The following VASP variants were observed in gnomAD, a reference collection of about 807,000 sequenced individuals.
VASP encodes the protein vasodilator stimulated phosphoprotein.
In VASP, 27 loss-of-function variants were observed where a neutral mutation model predicts 54.4. The ratio of observed to expected loss-of-function variants is 0.50; its 90% CI spans 0.37 to 0.68. The LOEUF (loss-of-function observed/expected upper bound fraction) is 0.68, where lower values mean the gene tolerates loss of function less well. Ranked by LOEUF, VASP falls within the 30% of genes least tolerant of loss-of-function variation. The pLI is 0.00. For synonymous variants in VASP, 233 were observed against 209.8 expected (o/e 1.11, Z -0.96); for missense variants, 488 against 528.3 (o/e 0.92, Z 0.75).
chr19:45,507,697 A>G lies in VASP; in HGVS notation c.-75A>G. The G allele has an allele frequency of 6.6e-7, 1 of 1,508,726 alleles. No individual in the cohort carries two copies. The highest frequency in any genetic ancestry group is 1.2e-5 in the South Asian group (1 of 82,766). 93.5% of individuals were successfully genotyped at this position (1,508,726 alleles called of 1,614,324 possible). A position where few individuals can be genotyped will look rare whatever the true frequency, so the allele number is the denominator to read the frequency against. ...TGAGCCGAGCCCGGAGCCAGCCCCG[A>G]ACCCCTGAACCTCCAGCCAGGGGCG... is the stretch of plus-strand genomic sequence containing the variant. On this transcript the variant is annotated 5_prime_UTR_variant, in exon 1 of 13. Coordinates refer to ENST00000245932, the MANE Select transcript of VASP (RefSeq NM_003370.4). The surrounding 1 kb of genome is among the most constrained non-coding windows in gnomAD (Gnocchi z 4.4).
At chr19:45,520,181 C>T (rs1307908047) in intron 3 of VASP, among the ~76,000 whole-genome samples, 2 of 152,036 alleles carry the variant, frequency 1.3e-5, no homozygotes, top group South Asian at 2.1e-4. Context: ...AGATTACAGG[C>T]GCGAGTCACG....
intron 11 of VASP, 120 bp from the exon 12 acceptor site, chr19:45,525,826 G>A: frequency 2.1e-6 from 2 of 943,242 alleles, no homozygotes; most frequent in South Asian, 3.3e-5. Context: ...CTGTGATCAT[G>A]CCATTGCACC....
intron 4 of VASP, 62 bp downstream of exon 4, chr19:45,521,468 C>A: frequency 7.3e-7 from 1 of 1,376,084 alleles, no homozygotes; most frequent in Non-Finnish European, 9.7e-7. Flanking sequence ...GTTCTGGAAC[C>A]CTTGACTCCT....
intron 3 of VASP, among the ~76,000 whole-genome samples, chr19:45,518,810 G>A (rs1445654893): frequency 1.2e-4 from 18 of 151,774 alleles, no homozygotes; most frequent in Admixed American, 7.2e-4. Flanking sequence ...GAATACAGGT[G>A]TGCACCACCA....
In VASP at chr19:45,522,358, C is replaced by T. The variant is rs748902801; in HGVS notation, c.497C>T (p.Pro166Leu). Residue 166 changes from proline (P) to leucine (L), a missense_variant, in exon 6 of 13, where the codon CCC (proline) becomes CTC (leucine). Transcript: ENST00000245932. ...GTTTCAGGAGGCCCACCTGCTCCCC[C>T]CGCTGGGGGTCCACCCCCACCACCA... The part of the protein sequence containing the change: ...VSNAGGPPAP[P>L]AGGPPPPPGP... 3 of 1,578,150 alleles carry T rather than the reference C, an allele frequency of 1.9e-6. No individual in the cohort carries two copies. The highest frequency in any genetic ancestry group is 1.9e-4 in the Middle Eastern group (1 of 5,374).
At chr19:45,517,591 C>T in intron 1 of VASP, 72 bp from the exon 2 acceptor site, 2 of 1,549,412 alleles carry the variant, frequency 1.3e-6, no homozygotes, top group Non-Finnish European at 1.7e-6. Flanking sequence ...CTGTCTTTGT[C>T]CCTTGGAATC....
intron 1 of VASP, among the ~76,000 whole-genome samples, chr19:45,509,094 C>A (rs545404679): frequency 6.6e-6 from 1 of 152,372 alleles, no homozygotes; most frequent in Non-Finnish European, 1.5e-5. Flanking sequence ...ACATCCCCCG[C>A]ATTTCCTGAA....
chr19:45,520,444 G>A (rs1030857752), intron 3 of VASP, among the ~76,000 whole-genome samples: 8 of 152,194 alleles, frequency 5.3e-5, no homozygotes, highest in African/African-American at 1.2e-4. Context: ...TGTTTGCTTC[G>A]TGGGACAACT....
At chr19:45,522,840 C>A in intron 7 of VASP, 22 bp downstream of exon 7, 2 of 1,595,956 alleles carry the variant, frequency 1.3e-6, no homozygotes, top group Non-Finnish European at 1.7e-6. Flanking sequence ...CCTGGACCCC[C>A]AAGTCACCTG....
intron 1 of VASP, among the ~76,000 whole-genome samples, chr19:45,513,198 T>G (rs1968634312): frequency 6.6e-6 from 1 of 152,092 alleles, no homozygotes; most frequent in Non-Finnish European, 1.5e-5. Context: ...GGACCCAGGC[T>G]GACTGAGAAA....
chr19:45,523,564 G>A, intron 7 of VASP, 80 bp from the exon 8 acceptor site: 4 of 1,512,808 alleles, frequency 2.6e-6, no homozygotes, highest in Non-Finnish European at 3.6e-6. Flanking sequence ...TATGCGCTAG[G>A]ATCTACATTT....
At chr19:45,512,108 C>G (rs900303054) in intron 1 of VASP, among the ~76,000 whole-genome samples, 4 of 150,894 alleles carry the variant, frequency 2.7e-5, no homozygotes, top group African/African-American at 9.8e-5. Flanking sequence ...TGAGATTACA[C>G]CACTGCCAGC....
intron 1 of VASP, among the ~76,000 whole-genome samples, chr19:45,514,702 C>T (rs1380060859): frequency 3.3e-5 from 5 of 152,198 alleles, no homozygotes; most frequent in Non-Finnish European, 5.9e-5. Flanking sequence ...CAGCCCCGGG[C>T]TCCTGGCCAG....
Position 45,522,186 on chromosome 19 carries a change from G to A in VASP, c.447G>A (p.Ser149=), listed in dbSNP as rs368590273. 1.1e-5 allele frequency: 18 copies of A among 1,613,960 alleles called. No homozygotes were observed. Among genetic ancestry groups the A allele is most frequent in the Admixed American group, 3.3e-5 (2 of 60,010 alleles). ...EQQKRQQPGP[S]EHIERRVSNA... is the part of the protein sequence containing the mutation. ...CCCACAGGCAGCAGCCCGGCCCGTC[G>A]GAGCACATAGAGCGCCGGGTCTCCA... Residue 149 remains serine (S), a synonymous_variant, in exon 5 of 13, where the codon TCG becomes TCA. Transcript: ENST00000245932.
chr19:45,523,755 G>C (rs1968896494), intron 8 of VASP, 60 bp downstream of exon 8: 3 of 1,613,904 alleles, frequency 1.9e-6, no homozygotes, highest in African/African-American at 2.7e-5. Flanking sequence ...GGTAGGGATA[G>C]TGGGATGTGT....
intron 1 of VASP, among the ~76,000 whole-genome samples, chr19:45,516,245 A>G (rs547986116): frequency 1.3e-5 from 2 of 152,294 alleles, no homozygotes; most frequent in East Asian, 3.9e-4. Context: ...TGTCTGGGTC[A>G]CTGCTGTGTC....
At chr19:45,525,027 C>A (rs961498472) in intron 11 of VASP, 1 of 224,342 alleles carries the variant, frequency 4.5e-6, no homozygotes, top group Non-Finnish European at 9.2e-6. Flanking sequence ...CCCCTAGAAT[C>A]CTCCAGTCAC....
Position 45,526,141 on chromosome 19 carries a change from C to T in VASP, c.1107C>T (p.Ala369=), listed in dbSNP as rs753124235. The change falls in exon 13 of 13, where the codon GCC becomes GCT. Residue 369 remains alanine, a splice_region_variant and synonymous_variant. Coordinates refer to ENST00000245932, the MANE Select transcript of VASP (RefSeq NM_003370.4). ...LQKVKEEIIE[A]FVQELRKRGS... ...CCTCTGCTCCTTGTTTCCTTCCAGC[C>T]TTCGTCCAGGAGCTGAGGAAGCGGG... 24 of 1,613,736 alleles carry T rather than the reference C, an allele frequency of 1.5e-5. No individual in the cohort carries two copies. The South Asian group carries it at 2.6e-4, about 18-fold the overall frequency.
chr19:45,522,566 C>T lies in VASP; in HGVS notation c.705C>T (p.Leu235=), dbSNP rs763898071. The T allele has an allele frequency of 6.8e-6, 10 of 1,462,578 alleles. No homozygotes were observed. Among genetic ancestry groups the T allele is most frequent in the Non-Finnish European group, 8.1e-6 (9 of 1,113,140 alleles). 90.6% of individuals were successfully genotyped at this position (1,462,578 alleles called of 1,614,324 possible). Residue 235 remains leucine, a synonymous_variant, in exon 6 of 13, where the codon CTC becomes CTT. Transcript: ENST00000245932. The part of the protein sequence containing the change: ...GLAAAIAGAK[L]RKVSKQEEAS... Reference sequence around the variant, plus strand: ...CCGCAGCTATTGCTGGAGCCAAACTCAGGAAAGTCAGCAAGGTGAGGGGCC... The same window carrying T: ...CCGCAGCTATTGCTGGAGCCAAACTTAGGAAAGTCAGCAAGGTGAGGGGCC...
Sources: gnomAD v4.1 joint callset for allele counts (sites outside exome capture counted in the v4.1 genomes callset) on GRCh38, gnomAD v4.1.1 for gene constraint, Gnocchi (gnomAD v3.1) non-coding constraint, MANE v1.5 for transcripts, NCBI Gene and HGNC (gene_info 2026-07-23, HGNC 2026-07-21) for gene names.